CLEC9A: variants seen among roughly 807,000 people sequenced by gnomAD.
The protein encoded by CLEC9A is C-type lectin domain family 9 member A.
CLEC9A carries 24 observed loss-of-function variants against 30.0 expected under a neutral mutation model. That is an observed-to-expected ratio of 0.80 (90% CI 0.58 to 1.13). The LOEUF (loss-of-function observed/expected upper bound fraction) is 1.13. Among genes scored for constraint, CLEC9A ranks in the 50% most tolerant of loss-of-function variants. The pLI is 0.00. For synonymous variants in CLEC9A, 111 were observed against 96.8 expected (o/e 1.15, Z -0.86); for missense variants, 251 against 280.9 (o/e 0.89, Z 0.76).
At chr12:10,045,514 A>C (rs1337712922) in intron 2 of CLEC9A, 1 of 249,242 alleles carries the variant, frequency 4.0e-6, no homozygotes, top group East Asian at 9.5e-5. Context: ...GGAAAAGGAA[A>C]TATGAATTGT....
chr12:10,037,178 C>T (rs953810435), intron 1 of CLEC9A, among the ~76,000 whole-genome samples: 12 of 151,996 alleles, frequency 7.9e-5, no homozygotes, highest in African/African-American at 2.4e-4. Context: ...TGTTGGTGGT[C>T]ATAGTAGTAG....
At chr12:10,038,147 T>A (rs897817097) in intron 1 of CLEC9A, among the ~76,000 whole-genome samples, 1 of 152,156 alleles carries the variant, frequency 6.6e-6, no homozygotes, top group African/African-American at 2.4e-5. Flanking sequence ...GGGATTTTAA[T>A]TTTTTTTAAT....
Position 10,052,403 on chromosome 12 carries a change from C to T in CLEC9A, c.-58-227C>T, listed in dbSNP as rs527906461. ...TCACTGCTATCACCTTCAACATCTG[C>T]TACATTTTGGAAACCGGATAAAAAA... is the stretch of plus-strand genomic sequence containing the variant. On this transcript the variant is annotated intron_variant, in intron 3 of 8. Coordinates refer to ENST00000355819, the MANE Select transcript of CLEC9A (RefSeq NM_207345.4). The T allele has an allele frequency of 4.2e-6, 3 of 717,260 alleles. No individual in the cohort carries two copies. In the African/African-American group the frequency reaches 5.5e-5, roughly 13 times the overall value. 44.4% of individuals were successfully genotyped at this position (717,260 alleles called of 1,614,324 possible). A position where few individuals can be genotyped will look rare whatever the true frequency, so the allele number is the denominator to read the frequency against.
chr12:10,036,998 C>G (rs1315991567), intron 1 of CLEC9A, among the ~76,000 whole-genome samples: 1 of 152,146 alleles, frequency 6.6e-6, no homozygotes, highest in Non-Finnish European at 1.5e-5. Context: ...AGAACCAAAC[C>G]AACCAGCATA....
chr12:10,058,645 A>T (rs1348954107), intron 5 of CLEC9A, among the ~76,000 whole-genome samples: 4 of 152,178 alleles, frequency 2.6e-5, no homozygotes, highest in Admixed American at 2.0e-4. Flanking sequence ...TCTGGGTTCA[A>T]GTGCCTCTCC....
intron 1 of CLEC9A, among the ~76,000 whole-genome samples, chr12:10,033,868 A>G (rs533443510): frequency 6.6e-6 from 1 of 152,216 alleles, no homozygotes; most frequent in Non-Finnish European, 1.5e-5. Flanking sequence ...ATTAATTCAG[A>G]ATTATTTACA....
intron 5 of CLEC9A, among the ~76,000 whole-genome samples, chr12:10,058,390 A>G (rs959460761): frequency 5.3e-5 from 8 of 152,156 alleles, no homozygotes; most frequent in Non-Finnish European, 8.8e-5. Context: ...AAAAGATCCA[A>G]GCAGCTGACA....
At chr12:10,061,962 T>A (rs1394694002) in intron 6 of CLEC9A, among the ~76,000 whole-genome samples, 2 of 152,250 alleles carry the variant, frequency 1.3e-5, no homozygotes, top group Non-Finnish European at 2.9e-5. Flanking sequence ...CCATAGTTCC[T>A]TCTGATTAAA....
intron 2 of CLEC9A, among the ~76,000 whole-genome samples, chr12:10,041,904 C>T (rs958274205): frequency 2.0e-5 from 3 of 152,178 alleles, no homozygotes; most frequent in Non-Finnish European, 4.4e-5. Context: ...TGTTCTTGAT[C>T]ATTTGTGTCC....
intron 2 of CLEC9A, among the ~76,000 whole-genome samples, chr12:10,042,202 T>G (rs186273445): frequency 1.9e-4 from 29 of 152,370 alleles, no homozygotes; most frequent in African/African-American, 6.5e-4. Context: ...AGAATTTATC[T>G]GTCAGGTTCT....
chr12:10,041,653 G>A (rs1591885685), intron 2 of CLEC9A, 33 bp downstream of exon 2: 1 of 525,774 alleles, frequency 1.9e-6, no homozygotes, highest in East Asian at 5.4e-5. Flanking sequence ...TATTTTGGAG[G>A]CAAGGGAGAA....
At chr12:10,037,811 A>G (rs1441018968) in intron 1 of CLEC9A, among the ~76,000 whole-genome samples, 1 of 152,220 alleles carries the variant, frequency 6.6e-6, no homozygotes, top group East Asian at 1.9e-4. Flanking sequence ...CTGGGGTTAA[A>G]GGACAAAAAT....
intron 7 of CLEC9A, among the ~76,000 whole-genome samples, chr12:10,064,506 C>A (rs1866025392): frequency 6.6e-6 from 1 of 152,114 alleles, no homozygotes; most frequent in Admixed American, 6.5e-5. Flanking sequence ...CTTTTAAAAT[C>A]CCAGTTGCCT....
chr12:10,043,804 C>A (rs903916238), intron 2 of CLEC9A, among the ~76,000 whole-genome samples: 4 of 152,022 alleles, frequency 2.6e-5, no homozygotes, highest in Admixed American at 2.6e-4. Flanking sequence ...GCCTCAGCCT[C>A]CTGAGCAGCT....
chr12:10,052,418 C>G (rs370481850), intron 3 of CLEC9A: 1 of 911,132 alleles, frequency 1.1e-6, no homozygotes, highest in African/African-American at 1.7e-5. Flanking sequence ...TTTTGGAAAC[C>G]GGATAAAAAA....
chr12:10,063,473 G>C (rs1866015173), intron 7 of CLEC9A, among the ~76,000 whole-genome samples: 1 of 152,104 alleles, frequency 6.6e-6, no homozygotes. Context: ...AGGGAATAAG[G>C]AGAATACTAT....
intron 5 of CLEC9A, 43 bp from the exon 6 acceptor site, chr12:10,061,084 A>G (rs1865992342): frequency 1.3e-6 from 2 of 1,596,262 alleles, no homozygotes; most frequent in Admixed American, 1.8e-5. Context: ...ATTTTGCTAT[A>G]AAATGTCAGG....
At chr12:10,031,452 T>G (rs1312985535) in intron 1 of CLEC9A, among the ~76,000 whole-genome samples, 2 of 152,198 alleles carry the variant, frequency 1.3e-5, no homozygotes, top group East Asian at 3.9e-4. Context: ...TCTGTTGATT[T>G]CCTTTAATCT....
chr12:10,033,928 A>T (rs1471248233), intron 1 of CLEC9A, among the ~76,000 whole-genome samples: 1 of 152,238 alleles, frequency 6.6e-6, no homozygotes, highest in Non-Finnish European at 1.5e-5. Flanking sequence ...TATCAAAGGC[A>T]TAAGGGAAAC....
Sources: gnomAD v4.1 joint callset for allele counts (sites outside exome capture counted in the v4.1 genomes callset) on GRCh38, gnomAD v4.1.1 for gene constraint, MANE v1.5 for transcripts, NCBI Gene and HGNC (gene_info 2026-07-23, HGNC 2026-07-21) for gene names.